Variants in FBXL17 observed in about 807,000 individuals in gnomAD.
FBXL17 encodes the protein F-box/LRR-repeat protein 17.
FBXL17 carries 22 observed loss-of-function variants against 66.2 expected under a neutral mutation model. That is an observed-to-expected ratio of 0.33 (90% confidence interval 0.24 to 0.47). FBXL17 has a LOEUF of 0.47. FBXL17 is among the 20% of genes least tolerant of loss of function. The pLI is 1.00. For missense variants in FBXL17, 878 were observed against 948.2 expected, an observed-to-expected ratio of 0.93 and a Z score of 0.97; for synonymous variants, 474 against 400.5, an observed-to-expected ratio of 1.18 and a Z score of -2.19.
intron 5 of FBXL17, among the ~76,000 whole-genome samples, chr5:108,203,440 G>C (rs183077157): frequency 6.6e-6 from 1 of 152,200 alleles, no homozygotes; most frequent in Admixed American, 6.5e-5. Context: ...ATCAGGCCTA[G>C]ATAATCAAAG....
At chr5:108,246,585 G>C (rs1190852531) in intron 4 of FBXL17, among the ~76,000 whole-genome samples, 1 of 152,176 alleles carries the variant, frequency 6.6e-6, no homozygotes, top group African/African-American at 2.4e-5. Flanking sequence ...AAAAGGACTG[G>C]ATTTGAATCA....
intron 7 of FBXL17, among the ~76,000 whole-genome samples, chr5:107,935,838 G>T (rs1285995434): frequency 2.0e-5 from 3 of 152,072 alleles, no homozygotes; most frequent in Non-Finnish European, 4.4e-5. Flanking sequence ...GGGAAGCAAA[G>T]ATTGTATCAC....
chr5:108,219,928 C>CTTT lies in FBXL17; in HGVS notation c.1614+4190_1614+4192dup. ...TTTCCTCTTTGATCTTTACTATTTC[C>CTTT]TTTTTTTTTTTTTTTTTTTTTTTGC... On this transcript the variant is annotated intron_variant, in intron 5 of 8. Transcript: ENST00000542267. Among the ~76,000 whole-genome samples the CTTT allele has an allele frequency of 4.5e-3, 168 of 37,444 alleles. 2 individuals are homozygous for CTTT. The highest frequency in any genetic ancestry group is 0.016 in the African/African-American group (130 of 8,256). The allele number at this position is 37,444 out of a possible 152,430, so 24.6% of individuals were successfully genotyped here. A position where few individuals can be genotyped will look rare whatever the true frequency, so the allele number is the denominator to read the frequency against.
At chr5:108,149,510 T>A (rs550347623) in intron 6 of FBXL17, among the ~76,000 whole-genome samples, 32 of 152,344 alleles carry the variant, frequency 2.1e-4, no homozygotes, top group Non-Finnish European at 4.4e-4. Context: ...ACACATGTGT[T>A]AAGCATGAGA....
chr5:108,344,761 T>C (rs186116007), intron 4 of FBXL17, among the ~76,000 whole-genome samples: 1 of 152,312 alleles, frequency 6.6e-6, no homozygotes, highest in East Asian at 1.9e-4. Context: ...GAAATATACT[T>C]AACTGAGGTT....
intron 4 of FBXL17, among the ~76,000 whole-genome samples, chr5:108,321,931 G>A (rs1009128199): frequency 2.0e-5 from 3 of 151,730 alleles, no homozygotes; most frequent in Non-Finnish European, 4.4e-5. Context: ...AAACCCAAAC[G>A]GTTTTTAAAC....
rs891183890 is a variant in FBXL17, at chr5:108,287,040, C to T, written c.1506+61359G>A. Among the ~76,000 whole-genome samples, 3 of 152,026 alleles carry T rather than the reference C, an allele frequency of 2.0e-5. No individual in the cohort carries two copies. The East Asian group carries it at 5.8e-4, about 29-fold the overall frequency. On this transcript the variant is annotated intron_variant, in intron 4 of 8. Transcript: ENST00000542267. ...AACAAGCAATGGGAAAAAAGACTCC[C>T]TATTCAATAAATGGTGCTGGTTAGC...
intron 4 of FBXL17, among the ~76,000 whole-genome samples, chr5:108,249,677 C>G (rs1561487818): frequency 6.6e-6 from 1 of 152,092 alleles, no homozygotes; most frequent in Non-Finnish European, 1.5e-5. Context: ...TGGGTTTGGC[C>G]TCAGTTCATA....
At chr5:107,938,269 G>A (rs566070030) in intron 7 of FBXL17, among the ~76,000 whole-genome samples, 46 of 151,362 alleles carry the variant, frequency 3.0e-4, no homozygotes, top group Admixed American at 9.2e-4. Flanking sequence ...AAATGATACA[G>A]CCAAGCTGTT....
intron 5 of FBXL17, among the ~76,000 whole-genome samples, chr5:108,214,813 A>G (rs1754531459): frequency 6.6e-6 from 1 of 152,208 alleles, no homozygotes; most frequent in Non-Finnish European, 1.5e-5. Context: ...TCATCCTCAT[A>G]AATTGTACAG....
At chr5:108,003,463 CAAAA>C (rs1487328919) in intron 7 of FBXL17, among the ~76,000 whole-genome samples, 1 of 151,706 alleles carries the variant, frequency 6.6e-6, no homozygotes, top group Non-Finnish European at 1.5e-5. Context: ...CAAAACAAAA[CAAAA>C]AACCCAATTC....
In FBXL17 at chr5:108,248,665, C is replaced by T. The variant is rs1171315154; in HGVS notation, c.1507-24437G>A. 5.3e-5 allele frequency among the ~76,000 whole-genome samples: 8 copies of T among 152,102 alleles called. No individual in the cohort carries two copies. In the East Asian group the frequency reaches 1.5e-3, roughly 29 times the overall value. On this transcript the variant is annotated intron_variant, in intron 4 of 8. Transcript: ENST00000542267. ...TGTCAGGAAATAACATAACCAAATT[C>T]CTAAAAACGAAAGGCGAAAATAATC...
intron 4 of FBXL17, 70 bp downstream of exon 4, chr5:108,348,329 T>C: frequency 2.9e-6 from 4 of 1,373,626 alleles, no homozygotes; most frequent in South Asian, 1.6e-5. Flanking sequence ...GAAAAAATTA[T>C]AAATAAACTT....
At chr5:108,373,613 GTTAAGACAC>G (rs1749212007) in intron 1 of FBXL17, among the ~76,000 whole-genome samples, 1 of 152,016 alleles carries the variant, frequency 6.6e-6, no homozygotes, top group South Asian at 2.1e-4. Context: ...AAACTTTCCA[GTTAAGACAC>G]ATAAGGCCAG....
chr5:108,267,770 G>A (rs940967473), intron 4 of FBXL17, among the ~76,000 whole-genome samples: 2 of 151,980 alleles, frequency 1.3e-5, no homozygotes, highest in South Asian at 2.1e-4. Context: ...AGTCAGATAC[G>A]AGGGTTAAAA....
intron 7 of FBXL17, among the ~76,000 whole-genome samples, chr5:107,908,667 CA>C (rs1278937571): frequency 6.6e-6 from 1 of 152,088 alleles, no homozygotes; most frequent in Non-Finnish European, 1.5e-5. Context: ...CACTGAAGCA[CA>C]AGACAGCTGA....
chr5:108,113,990 T>C (rs1024939160), intron 6 of FBXL17, among the ~76,000 whole-genome samples: 1 of 152,204 alleles, frequency 6.6e-6, no homozygotes, highest in African/African-American at 2.4e-5. Flanking sequence ...ATAGAACAAA[T>C]GTATAATTAT....
intron 4 of FBXL17, among the ~76,000 whole-genome samples, chr5:108,237,619 C>T (rs1185677748): frequency 6.6e-6 from 1 of 152,136 alleles, no homozygotes. Flanking sequence ...TGGAGTCATT[C>T]ATTAAGGGCT....
At chr5:108,233,481 T>G (rs1755463274) in intron 4 of FBXL17, among the ~76,000 whole-genome samples, 1 of 152,124 alleles carries the variant, frequency 6.6e-6, no homozygotes, top group Admixed American at 6.6e-5. Context: ...ACTCAGGATT[T>G]GGAAAGAAGC....
Sources: gnomAD v4.1 joint callset for allele counts (sites outside exome capture counted in the v4.1 genomes callset) on GRCh38, gnomAD v4.1.1 for gene constraint, MANE v1.5 for transcripts, NCBI Gene and HGNC (gene_info 2026-07-23, HGNC 2026-07-21) for gene names.